Variants in EYS observed in about 807,000 individuals in gnomAD.
The protein encoded by EYS is protein eyes shut homolog.
A neutral mutation model predicts 282.1 loss-of-function variants in EYS; 250 were observed. The observed-to-expected ratio is 0.89, with a 90% CI of 0.80 to 0.98. The LOEUF (loss-of-function observed/expected upper bound fraction) is 0.98, where lower values mean the gene tolerates loss of function less well. Among genes scored for constraint, EYS ranks in the 50% least tolerant of loss-of-function variants. EYS has a pLI of 0.00. For missense variants in EYS, 4,016 were observed against 3,709.0 expected (o/e 1.08, Z -2.15); for synonymous variants, 1,355 against 1,282.9 (o/e 1.06, Z -1.20).
chr6:64,924,589 C>T, intron 15 of EYS, among the ~76,000 whole-genome samples: 1 of 152,122 alleles, frequency 6.6e-6, no homozygotes. Context: ...GCTCTGCTTC[C>T]CTTATAAAAC....
intron 14 of EYS, among the ~76,000 whole-genome samples, chr6:64,992,704 C>T (rs72875963): frequency 0.068 from 10,293 of 151,862 alleles, 442 homozygotes; most frequent in East Asian, 0.13. Flanking sequence ...TCTGGAACTC[C>T]GGAGCTCTGA....
At position 65,369,331 on chromosome 6, in the gene EYS, TA is replaced by T. The variant is rs1172112449; in HGVS notation, c.1299+15054del. ...AATATATATATTATATATATATATT[TA>T]TATATATATATATCTCATTCTGAAC... On this transcript the variant is annotated intron_variant, in intron 8 of 42. Coordinates refer to ENST00000503581, the MANE Select transcript of EYS (RefSeq NM_001142800.2). 2.8e-3 allele frequency among the ~76,000 whole-genome samples: 397 copies of T among 139,576 alleles called. 5 individuals are homozygous for T. Among genetic ancestry groups the T allele is most frequent in the African/African-American group, 0.011 (384 of 36,530 alleles). The allele number at this position is 139,576 out of a possible 152,430, so 91.6% of individuals were successfully genotyped here. A position where few individuals can be genotyped will look rare whatever the true frequency, so the allele number is the denominator to read the frequency against.
intron 34 of EYS, among the ~76,000 whole-genome samples, chr6:63,994,666 G>A (rs573321119): frequency 1.3e-5 from 2 of 151,842 alleles, no homozygotes; most frequent in South Asian, 2.1e-4. Context: ...TTTTCAAGAA[G>A]GTAACCCCTA....
intron 14 of EYS, among the ~76,000 whole-genome samples, chr6:64,968,612 C>T (rs1192011877): frequency 6.6e-6 from 1 of 152,102 alleles, no homozygotes; most frequent in African/African-American, 2.4e-5. Flanking sequence ...AAAACAATCA[C>T]ATTACCTAGG....
intron 35 of EYS, among the ~76,000 whole-genome samples, chr6:63,917,879 C>T (rs555839881): frequency 5.9e-5 from 9 of 152,248 alleles, no homozygotes; most frequent in East Asian, 1.9e-4. Flanking sequence ...TTCCTATTGC[C>T]GGCTCCAAAG....
chr6:64,798,287 A>G (rs984543312), intron 22 of EYS, among the ~76,000 whole-genome samples: 3 of 151,932 alleles, frequency 2.0e-5, no homozygotes, highest in African/African-American at 7.2e-5. Flanking sequence ...TTTCATAAAG[A>G]TGTTAAAACA....
intron 42 of EYS, among the ~76,000 whole-genome samples, chr6:63,724,637 ATTTC>A (rs902957724): frequency 3.3e-5 from 5 of 152,100 alleles, no homozygotes; most frequent in African/African-American, 1.2e-4. Flanking sequence ...CCAGAGTCTT[ATTTC>A]TTTAAAATAT....
intron 33 of EYS, among the ~76,000 whole-genome samples, chr6:64,045,770 TA>T (rs1770593014): frequency 6.6e-6 from 1 of 151,086 alleles, no homozygotes; most frequent in African/African-American, 2.4e-5. Context: ...TAACAACTGT[TA>T]AATATTATGC....
intron 13 of EYS, among the ~76,000 whole-genome samples, chr6:65,054,090 T>G (rs910002041): frequency 2.0e-5 from 3 of 151,994 alleles, no homozygotes; most frequent in Non-Finnish European, 4.4e-5. Flanking sequence ...ATACACTTTT[T>G]CAAAAATTGT....
intron 5 of EYS, among the ~76,000 whole-genome samples, chr6:65,414,720 T>G (rs904069864): frequency 2.0e-5 from 3 of 152,060 alleles, no homozygotes; most frequent in African/African-American, 7.2e-5. Flanking sequence ...TGAGGTTGGT[T>G]TATAGGCAGT....
chr6:63,728,257 C>T (rs1757416682), intron 41 of EYS, among the ~76,000 whole-genome samples: 1 of 152,098 alleles, frequency 6.6e-6, no homozygotes, highest in African/African-American at 2.4e-5. Flanking sequence ...ATACAATTAA[C>T]ATATGCATAT....
intron 39 of EYS, among the ~76,000 whole-genome samples, chr6:63,787,597 C>A (rs1770398402): frequency 6.6e-6 from 1 of 152,132 alleles, no homozygotes; most frequent in Non-Finnish European, 1.5e-5. Flanking sequence ...GTGCAGAAAT[C>A]TTTGATTTGT....
intron 35 of EYS, among the ~76,000 whole-genome samples, chr6:63,928,253 C>T (rs775153384): frequency 8.5e-5 from 13 of 152,080 alleles, no homozygotes; most frequent in Non-Finnish European, 1.6e-4. Context: ...GACTCTTCTA[C>T]AGTGTTTGGT....
At chr6:65,146,854 A>G (rs1477678778) in intron 12 of EYS, among the ~76,000 whole-genome samples, 1 of 151,988 alleles carries the variant, frequency 6.6e-6, no homozygotes, top group East Asian at 1.9e-4. Context: ...TTAATTCCCT[A>G]ATATGAATGA....
intron 31 of EYS, among the ~76,000 whole-genome samples, chr6:64,223,794 T>G (rs1318201177): frequency 1.3e-5 from 2 of 152,052 alleles, no homozygotes; most frequent in African/African-American, 4.8e-5. Flanking sequence ...ATGCATGCAA[T>G]GAAGTCATGG....
At chr6:64,216,189 T>C (rs992704199) in intron 31 of EYS, among the ~76,000 whole-genome samples, 10 of 152,196 alleles carry the variant, frequency 6.6e-5, no homozygotes, top group African/African-American at 2.4e-4. Flanking sequence ...GTAATGGATC[T>C]AGATCAGTGA....
At chr6:65,619,720 T>C (rs1179738250) in intron 2 of EYS, among the ~76,000 whole-genome samples, 4 of 151,492 alleles carry the variant, frequency 2.6e-5, no homozygotes, top group African/African-American at 9.7e-5. Flanking sequence ...TATTTTGAGA[T>C]ACGTCCCATC....
chr6:65,638,741 T>G lies in EYS; in HGVS notation c.-333+1037A>C, dbSNP rs1238316032. ...CCACGCTCACTTTCTCACATATCCC[T>G]TGCCACTCCATGCCTGGCTTACCCT... is the stretch of plus-strand genomic sequence containing the variant. On this transcript the variant is annotated intron_variant, in intron 2 of 42. Coordinates refer to ENST00000503581, the MANE Select transcript of EYS (RefSeq NM_001142800.2). Among the ~76,000 whole-genome samples, 3 of 152,188 alleles carry G rather than the reference T, an allele frequency of 2.0e-5. No individual in the cohort carries two copies. The East Asian group carries it at 5.8e-4, about 29-fold the overall frequency.
intron 26 of EYS, among the ~76,000 whole-genome samples, chr6:64,510,495 G>A (rs9353869): frequency 0.35 from 53,425 of 151,710 alleles, 9,445 homozygotes; most frequent in East Asian, 0.47. Flanking sequence ...ATAAAGGTAC[G>A]TCAAGAGATT....
Sources: allele counts gnomAD v4.1 joint callset (sites outside exome capture counted in the v4.1 genomes callset), GRCh38; gene constraint gnomAD v4.1.1; transcripts MANE v1.5; gene names NCBI Gene and HGNC (gene_info 2026-07-23, HGNC 2026-07-21).